The following GPC3 variants were observed in gnomAD, a reference collection of about 807,000 sequenced individuals.
GPC3 encodes glypican-3.
GPC3 carries 3 observed loss-of-function variants against 34.4 expected under a neutral mutation model. The observed-to-expected ratio is 0.09, with a 90% confidence interval of 0.04 to 0.23. The LOEUF (loss-of-function observed/expected upper bound fraction) is 0.23, where lower values mean the gene tolerates loss of function less well. Ranked by LOEUF, GPC3 falls within the 10% of genes least tolerant of loss-of-function variation. GPC3 has a pLI of 1.00. For synonymous variants in GPC3, 177 were observed against 174.0 expected (o/e 1.02, Z -0.13); for missense variants, 351 against 445.6 (o/e 0.79, Z 1.91).
intron 3 of GPC3, among the ~76,000 whole-genome samples, chrX:133,725,315 C>T (rs138963196): frequency 2.3e-3 from 255 of 111,461 alleles, no homozygotes; most frequent in African/African-American, 7.7e-3. Flanking sequence ...CTTGAGCCCA[C>T]GAGTTCGAGA....
intron 2 of GPC3, among the ~76,000 whole-genome samples, chrX:133,853,224 A>G (rs2075883545): frequency 9.0e-6 from 1 of 111,674 alleles, no homozygotes; most frequent in African/African-American, 3.3e-5. Flanking sequence ...AATTACTGTG[A>G]GATATGTATG....
chrX:133,752,762 T>C (rs754495619), intron 3 of GPC3, among the ~76,000 whole-genome samples: 5 of 112,356 alleles, frequency 4.5e-5, no homozygotes, highest in South Asian at 3.8e-4. Flanking sequence ...AACAAAACCA[T>C]TGGAGAACAT....
At chrX:133,628,026 TAAG>T (rs1172100925) in intron 6 of GPC3, among the ~76,000 whole-genome samples, 1 of 112,522 alleles carries the variant, frequency 8.9e-6, no homozygotes, top group Non-Finnish European at 1.9e-5. Context: ...AAATATGTCT[TAAG>T]AAGTATGACT....
At chrX:133,783,794 A>G (rs1399624104) in intron 2 of GPC3, among the ~76,000 whole-genome samples, 1 of 112,597 alleles carries the variant, frequency 8.9e-6, no homozygotes, top group African/African-American at 3.2e-5. Flanking sequence ...AATGCAAGCT[A>G]TTGCATTTGA....
chrX:133,617,601 T>C (rs983083931), intron 6 of GPC3, among the ~76,000 whole-genome samples: 24 of 112,257 alleles, frequency 2.1e-4, no homozygotes, highest in Middle Eastern at 4.6e-3. Context: ...TTCCGGCTTT[T>C]TCATCAAACC....
intron 2 of GPC3, among the ~76,000 whole-genome samples, chrX:133,919,439 A>T (rs1459783591): frequency 8.9e-6 from 1 of 112,226 alleles, no homozygotes; most frequent in East Asian, 2.8e-4. Flanking sequence ...TGTCAGTAAG[A>T]TATATTCTTT....
intron 2 of GPC3, among the ~76,000 whole-genome samples, chrX:133,837,403 C>T (rs2075804757): frequency 8.9e-6 from 1 of 111,811 alleles, no homozygotes; most frequent in African/African-American, 3.3e-5. Flanking sequence ...TCTGACTGGA[C>T]TCATATGAAA....
At chrX:133,942,434 G>C (rs908753255) in intron 2 of GPC3, among the ~76,000 whole-genome samples, 1 of 111,879 alleles carries the variant, frequency 8.9e-6, no homozygotes, top group Non-Finnish European at 1.9e-5. Context: ...ACAGTAGTAA[G>C]TAAAGGGTAG....
intron 1 of GPC3, among the ~76,000 whole-genome samples, chrX:133,956,451 AGCTAATCTAAATTTAAACAAT>A (rs1199971528): frequency 8.9e-6 from 1 of 111,927 alleles, no homozygotes; most frequent in Non-Finnish European, 1.9e-5. Context: ...GGGTAAGAGT[AGCTAATCTAAATTTAAACAAT>A]GCTGGTTGGG....
chrX:133,586,870 T>C (rs989394884), intron 7 of GPC3, among the ~76,000 whole-genome samples: 1 of 111,679 alleles, frequency 9.0e-6, no homozygotes, highest in African/African-American at 3.3e-5. Context: ...ACGGGGTACA[T>C]AGTGATGTTT....
intron 6 of GPC3, among the ~76,000 whole-genome samples, chrX:133,642,700 A>G (rs1603207375): frequency 9.9e-6 from 1 of 100,602 alleles, no homozygotes; most frequent in East Asian, 3.7e-4. Context: ...TGAACCTAGG[A>G]GGCAGAGGTT....
intron 2 of GPC3, among the ~76,000 whole-genome samples, chrX:133,835,387 C>G (rs887041827): frequency 1.8e-5 from 2 of 112,011 alleles, no homozygotes; most frequent in African/African-American, 6.5e-5. Context: ...AATATAGCAT[C>G]TCATGATGTC....
At chrX:133,984,708 C>T (rs2076557753) in intron 1 of GPC3, among the ~76,000 whole-genome samples, 1 of 110,156 alleles carries the variant, frequency 9.1e-6, no homozygotes, top group Non-Finnish European at 1.9e-5. Flanking sequence ...GACCCTCTTA[C>T]TCAAAAGTTT....
intron 6 of GPC3, among the ~76,000 whole-genome samples, chrX:133,657,946 T>C (rs1281287957): frequency 1.2e-5 from 1 of 86,168 alleles, no homozygotes; most frequent in African/African-American, 5.3e-5. Flanking sequence ...GGAGAAGTAT[T>C]TCTGTATTTA....
At chrX:133,677,529 T>C (rs1363176779) in intron 5 of GPC3, among the ~76,000 whole-genome samples, 1 of 112,120 alleles carries the variant, frequency 8.9e-6, no homozygotes, top group Non-Finnish European at 1.9e-5. Context: ...ATGCAACAAG[T>C]TCACAGTAGA....
At chrX:133,723,298 A>G (rs1333446871) in intron 3 of GPC3, among the ~76,000 whole-genome samples, 1 of 111,949 alleles carries the variant, frequency 8.9e-6, no homozygotes, top group Non-Finnish European at 1.9e-5. Flanking sequence ...TAGGGAACTG[A>G]GGCCCAGAAA....
chrX:133,767,965 G>C lies in GPC3; in HGVS notation c.338-13789C>G, dbSNP rs762032725. 6.4e-5 allele frequency among the ~76,000 whole-genome samples: 7 copies of C among 109,522 alleles called. No individual in the cohort carries two copies. The East Asian group carries it at 1.2e-3, about 18-fold the overall frequency. On this transcript the variant is annotated intron_variant, in intron 2 of 7. Transcript: ENST00000370818. ...GTGTGAGAGAATAGGGTGGCGGGGTGGGGGGGTAAATCTCCAGGATTAAGG... is the reference window on the plus strand; with the variant it reads ...GTGTGAGAGAATAGGGTGGCGGGGTCGGGGGGTAAATCTCCAGGATTAAGG...
intron 2 of GPC3, among the ~76,000 whole-genome samples, chrX:133,759,831 T>C (rs1056537802): frequency 9.0e-6 from 1 of 111,084 alleles, no homozygotes; most frequent in African/African-American, 3.3e-5. Context: ...GTAAAGCATA[T>C]GTCAAGAAAA....
At chrX:133,762,767 C>T in intron 2 of GPC3, 1 of 443,595 alleles carries the variant, frequency 2.3e-6, no homozygotes, top group South Asian at 2.8e-5. Flanking sequence ...TTCGGGATTC[C>T]TGTCCTAACT....
Sources: allele counts gnomAD v4.1 joint callset (sites outside exome capture counted in the v4.1 genomes callset), GRCh38; gene constraint gnomAD v4.1.1; transcripts MANE v1.5; gene names NCBI Gene and HGNC (gene_info 2026-07-23, HGNC 2026-07-21).